Variants in JAM3 observed in about 807,000 individuals in gnomAD.
JAM3 encodes junctional adhesion molecule C.
JAM3 carries 31 observed loss-of-function variants against 39.4 expected under a neutral mutation model. The ratio of observed to expected loss-of-function variants is 0.79; its 90% CI spans 0.59 to 1.06. The LOEUF (loss-of-function observed/expected upper bound fraction) is 1.06. Among genes scored for constraint, JAM3 ranks in the 50% least tolerant of loss-of-function variants. The pLI, the probability that JAM3 is intolerant of heterozygous loss-of-function variation, is 0.00. For synonymous variants in JAM3, 182 were observed against 148.7 expected, an observed-to-expected ratio of 1.22 and a Z score of -1.63; for missense variants, 455 against 391.4, an observed-to-expected ratio of 1.16 and a Z score of -1.37.
chr11:134,118,608 G>C (rs1942480136), intron 1 of JAM3, among the ~76,000 whole-genome samples: 1 of 152,034 alleles, frequency 6.6e-6, no homozygotes, highest in Non-Finnish European at 1.5e-5. Flanking sequence ...TGTCTGCTCT[G>C]CTGCCTTCAC....
chr11:134,124,420 A>T (rs1407650111), intron 1 of JAM3: 2 of 569,932 alleles, frequency 3.5e-6, no homozygotes, highest in Admixed American at 3.2e-5. Flanking sequence ...AGAAAACATT[A>T]AAAAGACCAC....
rs944605321 is a variant in JAM3 at position 134,150,726 on chromosome 11, A to G, written c.*1545A>G. On this transcript the variant is annotated 3_prime_UTR_variant, in exon 9 of 9. Transcript: ENST00000299106. ...CGAAATCAAGTCTGTCAAGTACAATAACATTTTTAAAAGAAAATGGATCCC... is the reference window on the plus strand; with the variant it reads ...CGAAATCAAGTCTGTCAAGTACAATGACATTTTTAAAAGAAAATGGATCCC... 2.6e-5 allele frequency: 4 copies of G among 152,134 alleles called. No homozygotes were observed. The highest frequency in any genetic ancestry group is 1.5e-5 in the Non-Finnish European group (1 of 68,012). The allele number at this position is 152,134 out of a possible 1,614,324, so 9.4% of individuals were successfully genotyped here. A position where few individuals can be genotyped will look rare whatever the true frequency, so the allele number is the denominator to read the frequency against.
chr11:134,079,326 C>T (rs1347918024), intron 1 of JAM3, among the ~76,000 whole-genome samples: 2 of 152,166 alleles, frequency 1.3e-5, no homozygotes, highest in East Asian at 3.8e-4. Flanking sequence ...ACTTAGTCTA[C>T]TAGTAACAGC....
intron 1 of JAM3, among the ~76,000 whole-genome samples, chr11:134,138,420 GGA>G: frequency 1.7e-5 from 2 of 115,408 alleles, no homozygotes; most frequent in African/African-American, 7.6e-5. Context: ...TGCTCATACT[GGA>G]AGAAATGTTT....
intron 1 of JAM3, among the ~76,000 whole-genome samples, chr11:134,091,972 ACTT>A (rs1363189962): frequency 6.6e-6 from 1 of 152,040 alleles, no homozygotes. Flanking sequence ...TAATATATCT[ACTT>A]CTAGTCATTT....
At position 134,149,148 on chromosome 11, in the gene JAM3, C is replaced by T. The variant is rs200279211; in HGVS notation, c.900C>T (p.Gly300=). 20 of 1,614,020 alleles carry T rather than the reference C, an allele frequency of 1.2e-5. No individual in the cohort carries two copies. The highest frequency in any genetic ancestry group is 1.7e-4 in the Middle Eastern group (1 of 6,056). ...CTAACTGTGTGTTGGCTTTGCAGGG[C>T]GACTTCAGACACAAGTCATCGTTTG... ...GVNYIRTDEE[G]DFRHKSSFVI Residue 300 remains glycine (G), a splice_region_variant and synonymous_variant, in exon 9 of 9, where the codon GGC becomes GGT. Coordinates refer to ENST00000299106, the MANE Select transcript of JAM3 (RefSeq NM_032801.5).
intron 1 of JAM3, among the ~76,000 whole-genome samples, chr11:134,124,880 C>T (rs999623267): frequency 3.3e-5 from 5 of 152,266 alleles, no homozygotes; most frequent in South Asian, 4.1e-4. Flanking sequence ...AAATGTGCAA[C>T]GTATATTCCA....
At chr11:134,145,100 A>G (rs1319384479) in intron 5 of JAM3, 106 bp downstream of exon 5, 2 of 951,046 alleles carry the variant, frequency 2.1e-6, no homozygotes, top group African/African-American at 1.6e-5. Flanking sequence ...TTGATAAGAC[A>G]GGAGTCAAAA....
chr11:134,124,458 T>C, intron 1 of JAM3: 1 of 491,252 alleles, frequency 2.0e-6, no homozygotes, highest in Non-Finnish European at 3.7e-6. Flanking sequence ...ATCAGTGTTT[T>C]CTCTATTCAA....
At chr11:134,077,349 T>G (rs1941586246) in intron 1 of JAM3, among the ~76,000 whole-genome samples, 1 of 151,708 alleles carries the variant, frequency 6.6e-6, no homozygotes, top group South Asian at 2.1e-4. Flanking sequence ...TGGATATTAG[T>G]GTGTCAAGGA....
intron 1 of JAM3, chr11:134,123,870 A>G: frequency 1.2e-6 from 1 of 859,160 alleles, no homozygotes. Flanking sequence ...GCGTAATCAC[A>G]TCTTAGGTCA....
chr11:134,133,593 T>A (rs1942808267), intron 1 of JAM3, among the ~76,000 whole-genome samples: 1 of 152,172 alleles, frequency 6.6e-6, no homozygotes, highest in Admixed American at 6.5e-5. Flanking sequence ...ATACTGTAAT[T>A]GATTTTTATG....
intron 4 of JAM3, 99 bp from the exon 5 acceptor site, chr11:134,144,693 C>G (rs919571745): frequency 5.3e-6 from 6 of 1,130,746 alleles, no homozygotes; most frequent in Admixed American, 3.5e-5. Flanking sequence ...GGGAACCCCT[C>G]GACTGGCTGT....
At chr11:134,080,471 A>G (rs894897172) in intron 1 of JAM3, among the ~76,000 whole-genome samples, 2 of 152,166 alleles carry the variant, frequency 1.3e-5, no homozygotes. Flanking sequence ...TAATTGAATC[A>G]TGGGGTGGGT....
chr11:134,145,210 G>T (rs923900441), intron 5 of JAM3: 4 of 600,468 alleles, frequency 6.7e-6, no homozygotes, highest in African/African-American at 1.9e-5. Context: ...AGAAACCATA[G>T]ATTGAGACCG....
At chr11:134,134,786 G>T (rs1190388687) in intron 1 of JAM3, among the ~76,000 whole-genome samples, 1 of 152,074 alleles carries the variant, frequency 6.6e-6, no homozygotes, top group African/African-American at 2.4e-5. Flanking sequence ...ACTTTTCATG[G>T]TATATCTTCT....
chr11:134,141,260 G>T (rs1177360393), intron 3 of JAM3, among the ~76,000 whole-genome samples: 1 of 152,102 alleles, frequency 6.6e-6, no homozygotes, highest in Non-Finnish European at 1.5e-5. Flanking sequence ...TGGTGGTCAG[G>T]GAAGGCTCCC....
chr11:134,094,247 A>G (rs1941933364), intron 1 of JAM3, among the ~76,000 whole-genome samples: 1 of 128,872 alleles, frequency 7.8e-6, no homozygotes, highest in Non-Finnish European at 1.7e-5. Flanking sequence ...AACCCTCCTT[A>G]TTCATCATGT....
At chr11:134,115,092 A>T (rs1007618939) in intron 1 of JAM3, among the ~76,000 whole-genome samples, 5 of 152,166 alleles carry the variant, frequency 3.3e-5, no homozygotes, top group Admixed American at 6.5e-5. Flanking sequence ...ATCGATTTTT[A>T]AATTTATTGT....
Sources: allele counts gnomAD v4.1 joint callset (sites outside exome capture counted in the v4.1 genomes callset), GRCh38; gene constraint gnomAD v4.1.1; transcripts MANE v1.5; gene names NCBI Gene and HGNC (gene_info 2026-07-23, HGNC 2026-07-21).